IL1RAPL2: variants seen among roughly 807,000 people sequenced by gnomAD.
IL1RAPL2 encodes the protein interleukin 1 receptor accessory protein like 2.
In IL1RAPL2, 3 loss-of-function variants were observed where a neutral mutation model predicts 44.1. The observed-to-expected ratio is 0.07, with a 90% CI of 0.03 to 0.18. The LOEUF (loss-of-function observed/expected upper bound fraction) is 0.18. Ranked by LOEUF, IL1RAPL2 falls within the 10% of genes least tolerant of loss-of-function variation. IL1RAPL2 has a pLI of 1.00. For synonymous variants in IL1RAPL2, 181 were observed against 178.8 expected (o/e 1.01, Z -0.10); for missense variants, 391 against 496.4 (o/e 0.79, Z 2.02).
intron 5 of IL1RAPL2, among the ~76,000 whole-genome samples, chrX:105,435,073 G>A (rs2035872311): frequency 9.0e-6 from 1 of 111,552 alleles, no homozygotes; most frequent in Non-Finnish European, 1.9e-5. Context: ...TGATCTATAT[G>A]TCTGTTTTGG....
intron 5 of IL1RAPL2, among the ~76,000 whole-genome samples, chrX:105,316,049 G>A (rs778263559): frequency 2.7e-5 from 3 of 110,743 alleles, no homozygotes; most frequent in Non-Finnish European, 5.7e-5. Context: ...CAAGGACGGC[G>A]GATCACCTGA....
intron 6 of IL1RAPL2, among the ~76,000 whole-genome samples, chrX:105,714,400 A>ATTTG (rs759699448): frequency 1.2e-4 from 13 of 111,721 alleles, no homozygotes; most frequent in African/African-American, 4.2e-4. Context: ...ATCTTCAGGT[A>ATTTG]TTTGTTATAG....
At chrX:104,700,393 T>C (rs1009652158) in intron 2 of IL1RAPL2, among the ~76,000 whole-genome samples, 5 of 111,779 alleles carry the variant, frequency 4.5e-5, no homozygotes, top group Non-Finnish European at 9.4e-5. Context: ...ATTTTGTACT[T>C]GGTATAGCTT....
chrX:104,594,654 C>T (rs1007946296), intron 1 of IL1RAPL2, among the ~76,000 whole-genome samples: 6 of 112,083 alleles, frequency 5.4e-5, no homozygotes, highest in African/African-American at 1.9e-4. Context: ...GTTATTACAA[C>T]ATATGATTGT....
Position 104,671,517 on chromosome X carries a change from A to G in IL1RAPL2, c.82+12522A>G, listed in dbSNP as rs754350309. Among the ~76,000 whole-genome samples, 44 of 111,288 alleles carry G rather than the reference A, an allele frequency of 4.0e-4. 1 individual carries two copies. Among genetic ancestry groups the G allele is most frequent in the Non-Finnish European group, 7.9e-4 (42 of 53,061 alleles). ...GACCCACCTCTTCCAGGCAGAATTA[A>G]TTGTCCTTCCTCTGTGCTCCTGTAG... On this transcript the variant is annotated intron_variant, in intron 2 of 10. Coordinates refer to ENST00000372582, the MANE Select transcript of IL1RAPL2 (RefSeq NM_017416.2).
At chrX:104,636,626 G>A (rs181774067) in intron 1 of IL1RAPL2, among the ~76,000 whole-genome samples, 125 of 112,056 alleles carry the variant, frequency 1.1e-3, no homozygotes, top group African/African-American at 3.5e-3. Flanking sequence ...CTTCGTGGGC[G>A]TAGGACCCTC....
At chrX:104,907,567 C>A (rs1348919921) in intron 2 of IL1RAPL2, among the ~76,000 whole-genome samples, 30 of 111,729 alleles carry the variant, frequency 2.7e-4, no homozygotes, top group East Asian at 5.6e-4. Flanking sequence ...TGTACCCAGT[C>A]GTCATTCAGG....
intron 5 of IL1RAPL2, among the ~76,000 whole-genome samples, chrX:105,297,857 G>A: frequency 9.0e-6 from 1 of 111,364 alleles, no homozygotes; most frequent in Non-Finnish European, 1.9e-5. Flanking sequence ...TAGATGGCAA[G>A]AGTGGAGGCC....
chrX:105,331,030 A>G (rs1444321494), intron 5 of IL1RAPL2, among the ~76,000 whole-genome samples: 1 of 111,792 alleles, frequency 8.9e-6, no homozygotes, highest in Non-Finnish European at 1.9e-5. Flanking sequence ...AAATAAATTA[A>G]TGTATATAAA....
chrX:105,032,661 T>G (rs1340627339), intron 2 of IL1RAPL2, among the ~76,000 whole-genome samples: 1 of 111,706 alleles, frequency 9.0e-6, no homozygotes, highest in African/African-American at 3.3e-5. Context: ...TGTTCAATTT[T>G]GGAATAGGTG....
intron 1 of IL1RAPL2, among the ~76,000 whole-genome samples, chrX:104,655,980 C>T (rs914856397): frequency 1.8e-5 from 2 of 111,753 alleles, no homozygotes; most frequent in African/African-American, 6.5e-5. Flanking sequence ...ATAGTATTCT[C>T]TGATGGTAGT....
intron 5 of IL1RAPL2, among the ~76,000 whole-genome samples, chrX:105,457,841 G>A (rs1348452726): frequency 9.1e-6 from 1 of 110,227 alleles, no homozygotes; most frequent in East Asian, 2.9e-4. Flanking sequence ...GCTTAGGAGT[G>A]GAATTACTGG....
chrX:104,649,962 C>A (rs1290248041), intron 1 of IL1RAPL2, among the ~76,000 whole-genome samples: 2 of 111,910 alleles, frequency 1.8e-5, no homozygotes, highest in African/African-American at 6.5e-5. Flanking sequence ...AGATTTAGTT[C>A]AATTACAGTT....
At chrX:105,153,901 C>T (rs1173467237) in intron 2 of IL1RAPL2, among the ~76,000 whole-genome samples, 1 of 110,955 alleles carries the variant, frequency 9.0e-6, no homozygotes, top group Non-Finnish European at 1.9e-5. Context: ...TCTTATGGGA[C>T]CTTAAAAGGG....
intron 2 of IL1RAPL2, among the ~76,000 whole-genome samples, chrX:105,180,458 A>C (rs112006457): frequency 8.9e-6 from 1 of 112,443 alleles, no homozygotes. Context: ...TATGTTGTCA[A>C]CTGTGGTTTT....
chrX:104,971,793 A>G (rs758465363), intron 2 of IL1RAPL2, among the ~76,000 whole-genome samples: 24 of 111,106 alleles, frequency 2.2e-4, no homozygotes, highest in African/African-American at 6.9e-4. Flanking sequence ...AGTTAATCCT[A>G]TTGCTTGTTT....
chrX:104,876,946 T>C (rs1922920207), intron 2 of IL1RAPL2, among the ~76,000 whole-genome samples: 1 of 109,415 alleles, frequency 9.1e-6, no homozygotes, highest in African/African-American at 3.3e-5. Context: ...GTTCTCATTG[T>C]TCAATTCCCA....
chrX:105,167,942 A>G (rs929225457), intron 2 of IL1RAPL2, among the ~76,000 whole-genome samples: 2 of 111,581 alleles, frequency 1.8e-5, no homozygotes, highest in Non-Finnish European at 3.8e-5. Flanking sequence ...GGGAACCTGA[A>G]GCACAGAGAG....
chrX:105,630,959 C>T (rs764701033), intron 6 of IL1RAPL2, among the ~76,000 whole-genome samples: 25 of 110,761 alleles, frequency 2.3e-4, no homozygotes, highest in Admixed American at 1.5e-3. Flanking sequence ...TCCCTCGCTG[C>T]GATTCCATGA....
Sources: gnomAD v4.1 joint callset for allele counts (sites outside exome capture counted in the v4.1 genomes callset) on GRCh38, gnomAD v4.1.1 for gene constraint, MANE v1.5 for transcripts, NCBI Gene and HGNC (gene_info 2026-07-23, HGNC 2026-07-21) for gene names.